The following GSK3B variants were observed in gnomAD, a reference collection of about 807,000 sequenced individuals.
GSK3B encodes glycogen synthase kinase-3 beta.
Under a neutral mutation model 56.4 loss-of-function variants are expected in GSK3B, and 15 were observed. The ratio of observed to expected loss-of-function variants is 0.27; its 90% CI spans 0.18 to 0.41. The LOEUF (loss-of-function observed/expected upper bound fraction) is 0.41. Ranked by LOEUF, GSK3B falls within the 10% of genes least tolerant of loss-of-function variation. The pLI is 1.00. For missense variants in GSK3B, 300 were observed against 513.4 expected, an observed-to-expected ratio of 0.58 and a Z score of 4.02; for synonymous variants, 181 against 188.9, an observed-to-expected ratio of 0.96 and a Z score of 0.34.
intron 3 of GSK3B, 117 bp from the exon 4 acceptor site, chr3:119,923,600 G>C (rs1042651512): frequency 3.6e-5 from 17 of 476,310 alleles, no homozygotes; most frequent in Non-Finnish European, 5.9e-5. Flanking sequence ...AAAGATTAAT[G>C]TGTCACTTTT....
At chr3:119,935,193 AT>A (rs2056982428) in intron 3 of GSK3B, among the ~76,000 whole-genome samples, 1 of 152,162 alleles carries the variant, frequency 6.6e-6, no homozygotes, top group African/African-American at 2.4e-5. Flanking sequence ...TTTCATCCAG[AT>A]AATCAATAAA....
At chr3:119,866,266 C>T (rs2056181335) in intron 8 of GSK3B, among the ~76,000 whole-genome samples, 1 of 152,062 alleles carries the variant, frequency 6.6e-6, no homozygotes, top group South Asian at 2.1e-4. Context: ...TCTTTCCTTA[C>T]TCACTGAAAT....
At chr3:120,068,456 T>C (rs1412792883) in intron 1 of GSK3B, among the ~76,000 whole-genome samples, 3 of 148,430 alleles carry the variant, frequency 2.0e-5, no homozygotes, top group African/African-American at 7.5e-5. Flanking sequence ...TTCCCAGCAC[T>C]CTGGGAGGTC....
At chr3:119,973,738 C>A (rs2057387911) in intron 2 of GSK3B, among the ~76,000 whole-genome samples, 1 of 152,152 alleles carries the variant, frequency 6.6e-6, no homozygotes. Flanking sequence ...TAATCACTTA[C>A]TGTGCCTAAT....
chr3:119,985,666 T>A (rs1251788751), intron 2 of GSK3B, among the ~76,000 whole-genome samples: 1 of 152,072 alleles, frequency 6.6e-6, no homozygotes, highest in Non-Finnish European at 1.5e-5. Context: ...TACAAACCAC[T>A]GCTCAACGAA....
intron 4 of GSK3B, among the ~76,000 whole-genome samples, chr3:119,918,172 T>C (rs774296556): frequency 6.6e-5 from 10 of 152,078 alleles, no homozygotes; most frequent in Admixed American, 3.3e-4. Flanking sequence ...AATATAATCA[T>C]TAAATAGCTT....
chr3:119,972,807 T>C (rs1273408606), intron 2 of GSK3B, among the ~76,000 whole-genome samples: 4 of 152,184 alleles, frequency 2.6e-5, no homozygotes, highest in Non-Finnish European at 4.4e-5. Context: ...GTAGGACCTA[T>C]GAAAAACTAG....
intron 2 of GSK3B, among the ~76,000 whole-genome samples, chr3:119,955,483 G>A (rs779490563): frequency 1.5e-4 from 23 of 152,172 alleles, no homozygotes; most frequent in Admixed American, 5.9e-4. Context: ...ATGTGATTAA[G>A]TTGAGCTCAT....
intron 2 of GSK3B, among the ~76,000 whole-genome samples, chr3:119,982,033 T>C (rs1222500116): frequency 6.6e-6 from 1 of 152,170 alleles, no homozygotes; most frequent in African/African-American, 2.4e-5. Context: ...TTCTGCAGTA[T>C]TTGTTGTTCT....
At chr3:119,984,276 C>A (rs768120569) in intron 2 of GSK3B, among the ~76,000 whole-genome samples, 1 of 151,788 alleles carries the variant, frequency 6.6e-6, no homozygotes, top group African/African-American at 2.4e-5. Flanking sequence ...AATTGACACC[C>A]TAACATCACA....
chr3:119,909,161 G>A (rs1281547804), intron 6 of GSK3B, among the ~76,000 whole-genome samples: 3 of 152,094 alleles, frequency 2.0e-5, no homozygotes, highest in African/African-American at 7.2e-5. Flanking sequence ...GGGGACTACA[G>A]GGGCATGTCA....
At chr3:120,043,606 G>A (rs967989163) in intron 1 of GSK3B, among the ~76,000 whole-genome samples, 1 of 152,130 alleles carries the variant, frequency 6.6e-6, no homozygotes, top group Non-Finnish European at 1.5e-5. Context: ...ATATCATCTG[G>A]ACTACCAGAG....
At chr3:119,876,380 T>C in intron 8 of GSK3B, 33 bp downstream of exon 8, 1 of 1,108,994 alleles carries the variant, frequency 9.0e-7, no homozygotes, top group Non-Finnish European at 1.4e-6. Context: ...AGTTAACTAC[T>C]GATTAATATA....
At chr3:119,983,894 A>G (rs1039249708) in intron 2 of GSK3B, among the ~76,000 whole-genome samples, 2 of 152,224 alleles carry the variant, frequency 1.3e-5, no homozygotes, top group Non-Finnish European at 2.9e-5. Context: ...CAAAATCAAC[A>G]GAATATACAT....
At chr3:119,937,267 G>A (rs185431289) in intron 3 of GSK3B, among the ~76,000 whole-genome samples, 5 of 152,162 alleles carry the variant, frequency 3.3e-5, no homozygotes, top group Admixed American at 1.3e-4. Context: ...GACCACAGAG[G>A]TGGATCCCTC....
chr3:119,932,801 T>C (rs1468392436), intron 3 of GSK3B, among the ~76,000 whole-genome samples: 1 of 152,142 alleles, frequency 6.6e-6, no homozygotes, highest in Non-Finnish European at 1.5e-5. Context: ...AAAAAACCAG[T>C]ATTCAAACAG....
intron 2 of GSK3B, among the ~76,000 whole-genome samples, chr3:119,962,488 G>A (rs1472870095): frequency 2.6e-5 from 4 of 151,590 alleles, no homozygotes; most frequent in Non-Finnish European, 4.4e-5. Context: ...AATTAGGCAA[G>A]AATGCCCACT....
chr3:120,077,339 C>T (rs1410020036), intron 1 of GSK3B, among the ~76,000 whole-genome samples: 1 of 152,008 alleles, frequency 6.6e-6, no homozygotes, highest in Non-Finnish European at 1.5e-5. Flanking sequence ...TGTACACACA[C>T]ATATGGATGG....
intron 9 of GSK3B, among the ~76,000 whole-genome samples, chr3:119,857,653 C>G (rs2056040153): frequency 6.6e-6 from 1 of 152,198 alleles, no homozygotes; most frequent in Non-Finnish European, 1.5e-5. Context: ...TTAACTTCTT[C>G]CAAAATCTTG....
Sources: allele counts gnomAD v4.1 joint callset (sites outside exome capture counted in the v4.1 genomes callset), GRCh38; gene constraint gnomAD v4.1.1; transcripts MANE v1.5; gene names NCBI Gene and HGNC (gene_info 2026-07-23, HGNC 2026-07-21).